Variants in WDR86 observed in about 807,000 individuals in gnomAD.
WDR86 encodes the protein WD repeat domain 86.
WDR86 carries 30 observed loss-of-function variants against 36.5 expected under a neutral mutation model. That is an observed-to-expected ratio of 0.82 (90% CI 0.61 to 1.11). The LOEUF is 1.11. Ranked by LOEUF, WDR86 falls within the 50% of genes most tolerant of loss-of-function variation. The pLI is 0.00. For synonymous variants in WDR86, 255 were observed against 252.9 expected (o/e 1.01, Z -0.08); for missense variants, 545 against 561.2 (o/e 0.97, Z 0.29).
At chr7:151,378,237 T>C (rs3748094), downstream of WDR86, 20,901 of 152,314 alleles carry the variant, frequency 0.14, 1,606 homozygotes, top group African/African-American at 0.21. Context: ...AGCAGCCAGG[T>C]GCCGAGTGGA....
intron 3 of WDR86, among the ~76,000 whole-genome samples, chr7:151,385,991 C>T (rs1400345549): frequency 6.6e-6 from 1 of 152,182 alleles, no homozygotes; most frequent in Non-Finnish European, 1.5e-5. Flanking sequence ...AAGGCCAGGG[C>T]GGGCAGGCGG....
chr7:151,392,575 C>T (rs1340729184), intron 3 of WDR86, among the ~76,000 whole-genome samples: 1 of 152,158 alleles, frequency 6.6e-6, no homozygotes, highest in Non-Finnish European at 1.5e-5. Context: ...CCATTCACTC[C>T]CTCATCCCAC....
In WDR86 at chr7:151,409,491, G is replaced by C; in HGVS notation, c.99C>G (p.Gly33=). ...AGAGCCGGGCCGTGCCGTCCTCGCT[G>C]CCCGTCAGCAGGCGCTGCCCGTCGG... is the stretch of plus-strand genomic sequence containing the variant. ...LSPDGQRLLT[G]SEDGTARLWS... Residue 33 remains glycine, a synonymous_variant, in exon 1 of 6, where the codon GGC becomes GGG. Coordinates refer to ENST00000334493, the MANE Select transcript of WDR86 (RefSeq NM_198285.3). The surrounding 1 kb of genome is among the most constrained non-coding windows in gnomAD (Gnocchi z 5.2). The C allele has an allele frequency of 7.8e-6, 12 of 1,534,642 alleles. No homozygotes were observed. The highest frequency in any genetic ancestry group is 1.0e-5 in the Non-Finnish European group (12 of 1,146,368).
chr7:151,409,473 G>GGCCGT lies in WDR86; in HGVS notation c.112_116dup (p.Leu41ProfsTer22). On this transcript the variant is annotated frameshift_variant, in exon 1 of 6. Coordinates refer to ENST00000334493, the MANE Select transcript of WDR86 (RefSeq NM_198285.3). LOFTEE classifies it high-confidence loss of function. The surrounding 1 kb of genome is among the most constrained non-coding windows in gnomAD (Gnocchi z 5.2). Reference sequence around the variant, plus strand: ...GGCCGTCCGCGGTGCTCCAGAGCCGGGCCGTGCCGTCCTCGCTGCCCGTCA... The same window carrying GGCCGT: ...GGCCGTCCGCGGTGCTCCAGAGCCGGGCCGTGCCGTGCCGTCCTCGCTGCCCGTCA... The GGCCGT allele has an allele frequency of 6.5e-7, 1 of 1,537,804 alleles. No homozygotes were observed. The highest frequency in any genetic ancestry group is 1.2e-5 in the South Asian group (1 of 84,020).
Position 151,388,999 on chromosome 7 carries a change from C to T in WDR86, c.727-3776G>A, listed in dbSNP as rs969863009. Among the ~76,000 whole-genome samples the T allele has an allele frequency of 3.3e-5, 5 of 152,132 alleles. No individual in the cohort carries two copies. Among genetic ancestry groups the T allele is most frequent in the Non-Finnish European group, 5.9e-5 (4 of 68,036 alleles). On this transcript the variant is annotated intron_variant, in intron 3 of 5. Coordinates refer to ENST00000334493, the MANE Select transcript of WDR86 (RefSeq NM_198285.3). This position sits in a 1 kb window ranked among gnomAD's most constrained non-coding sequence, Gnocchi z 4.2. ...TGGCAAGAGCAGCAGCCACCAGACA[C>T]AGAACGTGCTGGCGCCTAGACCTTG... is the stretch of plus-strand genomic sequence containing the variant.
the WDR86 span, chr7:151,369,074 C>G: frequency 1.8e-6 from 1 of 555,696 alleles, no homozygotes; most frequent in East Asian, 3.8e-5. Flanking sequence ...GTGGCACGAT[C>G]TTGGCTCACT....
chr7:151,404,601 G>T (rs1237727070), intron 1 of WDR86, among the ~76,000 whole-genome samples: 1 of 152,238 alleles, frequency 6.6e-6, no homozygotes, highest in Non-Finnish European at 1.5e-5. Context: ...GAAGAGGGAA[G>T]GCATGGGGGT....
chr7:151,392,132 C>G (rs1221886545), intron 3 of WDR86, among the ~76,000 whole-genome samples: 1 of 152,192 alleles, frequency 6.6e-6, no homozygotes, highest in African/African-American at 2.4e-5. Context: ...CAGGCCCGAG[C>G]CAGCCATGTG....
rs1193327962 is a variant in WDR86, at chr7:151,395,815, C to G, written c.687G>C (p.Arg229=). 1 of 1,572,788 alleles carries G rather than the reference C, an allele frequency of 6.4e-7. No individual in the cohort carries two copies. The highest frequency in any genetic ancestry group is 1.4e-5 in the African/African-American group (1 of 73,870). Residue 229 remains arginine (R), a synonymous_variant, in exon 3 of 6, where the codon CGG becomes CGC. Coordinates refer to ENST00000334493, the MANE Select transcript of WDR86 (RefSeq NM_198285.3). ...CGGAGCCCCGGTGCTCCCGGAACAC[C>G]CGCAGCTGCTCCCCACTCAGGATGT... The part of the protein sequence containing the change: ...AWDILSGEQL[R]VFREHRGSVI...
In WDR86 at chr7:151,390,297, A is replaced by C. The variant is rs1267184551; in HGVS notation, c.727-5074T>G. Among the ~76,000 whole-genome samples the C allele has an allele frequency of 2.0e-5, 3 of 151,896 alleles. No homozygotes were observed. Among genetic ancestry groups the C allele is most frequent in the Non-Finnish European group, 2.9e-5 (2 of 67,964 alleles). On this transcript the variant is annotated intron_variant, in intron 3 of 5. Coordinates refer to ENST00000334493, the MANE Select transcript of WDR86 (RefSeq NM_198285.3). The surrounding 1 kb of genome is among the most constrained non-coding windows in gnomAD (Gnocchi z 4.5). ...GCCCAGAGCTCACTGCACACCCCCC[A>C]CATCAGGACCCCATCTGGCCACGCC...
At chr7:151,372,475 G>A (rs560981812), downstream of WDR86, among the ~76,000 whole-genome samples, 59 of 152,302 alleles carry the variant, frequency 3.9e-4, 3 homozygotes, top group South Asian at 9.1e-3. Context: ...TGTTAGGTGC[G>A]CTTCTTAGCC....
downstream of WDR86, among the ~76,000 whole-genome samples, chr7:151,379,233 AT>A (rs1488993157): frequency 1.3e-5 from 2 of 152,154 alleles, no homozygotes; most frequent in Non-Finnish European, 2.9e-5. Context: ...GGATGGTATG[AT>A]TGCTGATCAC....
chr7:151,390,733 A>G lies in WDR86; in HGVS notation c.726+5043T>C, dbSNP rs2030505512. 6.6e-6 allele frequency among the ~76,000 whole-genome samples: 1 copy of G among 152,252 alleles called. No individual in the cohort carries two copies. The highest frequency in any genetic ancestry group is 1.5e-5 in the Non-Finnish European group (1 of 68,048). The stretch of plus-strand genomic sequence containing the variant: ...CACGGAAAAAGGAGGGAATCTCATC[A>G]CACACCACAACACAGACGAACCCTG... On this transcript the variant is annotated intron_variant, in intron 3 of 5. Transcript: ENST00000334493. This position sits in a 1 kb window ranked among gnomAD's most constrained non-coding sequence, Gnocchi z 4.5.
chr7:151,368,973 CTT>C, the WDR86 span: 2 of 1,318,316 alleles, frequency 1.5e-6, no homozygotes. Flanking sequence ...ACCAGGAACT[CTT>C]TATTACTCCA....
chr7:151,397,817 AGAG>A (rs1799972351), intron 2 of WDR86, among the ~76,000 whole-genome samples: 1 of 89,764 alleles, frequency 1.1e-5, no homozygotes, highest in African/African-American at 4.3e-5. Context: ...AGCGGGAGGA[AGAG>A]GGTGTAGCGG....
chr7:151,381,415 T>C lies in WDR86; in HGVS notation c.*167A>G, dbSNP rs941895280. The C allele has an allele frequency of 1.5e-5, 22 of 1,487,802 alleles. No individual in the cohort carries two copies. The African/African-American group carries it at 2.5e-4, about 17-fold the overall frequency. 92.2% of individuals were successfully genotyped at this position (1,487,802 alleles called of 1,614,324 possible). A position where few individuals can be genotyped will look rare whatever the true frequency, so the allele number is the denominator to read the frequency against. ...GAGCACTCCCGCTCCCAGCGCCTCC[T>C]GGCCACCAAAGAAAAACCAGACGCC... On this transcript the variant is annotated 3_prime_UTR_variant, in exon 6 of 6. Coordinates refer to ENST00000334493, the MANE Select transcript of WDR86 (RefSeq NM_198285.3). This position sits in a 1 kb window ranked among gnomAD's most constrained non-coding sequence, Gnocchi z 4.8.
At chr7:151,372,819 G>GA (rs1230852643), downstream of WDR86, among the ~76,000 whole-genome samples, 1 of 152,184 alleles carries the variant, frequency 6.6e-6, no homozygotes, top group Non-Finnish European at 1.5e-5. Flanking sequence ...TGGCCACTGA[G>GA]AGGTAGAGCA....
intron 3 of WDR86, among the ~76,000 whole-genome samples, chr7:151,386,124 A>G (rs960555403): frequency 6.6e-6 from 1 of 152,164 alleles, no homozygotes; most frequent in African/African-American, 2.4e-5. Flanking sequence ...CGGGTCAGGC[A>G]CACAGGGCAT....
At chr7:151,386,567 C>T (rs569720960) in intron 3 of WDR86, among the ~76,000 whole-genome samples, 2 of 152,314 alleles carry the variant, frequency 1.3e-5, no homozygotes, top group African/African-American at 2.4e-5. Flanking sequence ...CCTACCTGCC[C>T]GTGTCAGCTT....
Sources: allele counts gnomAD v4.1 joint callset (sites outside exome capture counted in the v4.1 genomes callset), GRCh38; gene constraint gnomAD v4.1.1; non-coding constraint Gnocchi (gnomAD v3.1); transcripts MANE v1.5; gene names NCBI Gene and HGNC (gene_info 2026-07-23, HGNC 2026-07-21).